The following PGAM5 variants were observed in gnomAD, a reference collection of about 807,000 sequenced individuals.
PGAM5 encodes the protein serine/threonine-protein phosphatase PGAM5, mitochondrial.
A neutral mutation model predicts 30.6 loss-of-function variants in PGAM5; 25 were observed. The observed-to-expected ratio is 0.82, with a 90% CI of 0.60 to 1.14. The LOEUF is 1.14. Among genes scored for constraint, PGAM5 ranks in the 50% most tolerant of loss-of-function variants. The pLI is 0.00. For synonymous variants in PGAM5, 201 were observed against 179.1 expected (o/e 1.12, Z -0.98); for missense variants, 384 against 408.5 (o/e 0.94, Z 0.52).
intron 2 of PGAM5, among the ~76,000 whole-genome samples, chr12:132,715,948 C>T (rs1482505091): frequency 6.6e-6 from 1 of 152,200 alleles, no homozygotes; most frequent in Non-Finnish European, 1.5e-5. Context: ...AAATGCAGTG[C>T]ATATCCCAGC....
chr12:132,719,960 C>T (rs1845904931), intron 5 of PGAM5, among the ~76,000 whole-genome samples: 1 of 152,254 alleles, frequency 6.6e-6, no homozygotes, highest in Non-Finnish European at 1.5e-5. Context: ...CTGCTCCCTG[C>T]TTTTATATGG....
Position 132,715,103 on chromosome 12 carries a change from G to A in PGAM5, c.370+67G>A, listed in dbSNP as rs761362825. The A allele has an allele frequency of 3.0e-4, 436 of 1,458,824 alleles. 1 individual carries two copies. Among genetic ancestry groups the A allele is most frequent in the South Asian group, 1.2e-3 (89 of 75,070 alleles). 90.4% of individuals were successfully genotyped at this position (1,458,824 alleles called of 1,614,324 possible). On this transcript the variant is annotated intron_variant, in intron 2 of 5. Transcript: ENST00000498926. ...TGTGGCCAGGTGCATATCTGCTGGC[G>A]CCTTGGTTATGTGACTGGGTGCAGG...
In PGAM5 at chr12:132,717,979, GC is replaced by G; in HGVS notation, c.586-3del. Reference sequence around the variant, plus strand: ...TTCCGCACTGACGGCTCCTCACTCTGCCCCCAGCAGTATTACGAAGACGGAG... The same window carrying G: ...TTCCGCACTGACGGCTCCTCACTCTGCCCCAGCAGTATTACGAAGACGGAG... On this transcript the variant is annotated splice_polypyrimidine_tract_variant and splice_region_variant and intron_variant, in intron 4 of 5. Coordinates refer to ENST00000498926, the MANE Select transcript of PGAM5 (RefSeq NM_001170543.2). The G allele has an allele frequency of 6.2e-7, 1 of 1,612,502 alleles. No homozygotes were observed. The highest frequency in any genetic ancestry group is 8.5e-7 in the Non-Finnish European group (1 of 1,179,878).
intron 1 of PGAM5, chr12:132,711,798 A>G (rs1017338656): frequency 6.6e-6 from 1 of 152,142 alleles, no homozygotes; most frequent in Non-Finnish European, 1.5e-5. Flanking sequence ...GAAAAAAAAA[A>G]AAAGTAGTGC....
In PGAM5 at chr12:132,717,523, G is replaced by C. The variant is rs1290192734; in HGVS notation, c.455G>C (p.Arg152Pro). ...FNKIVHSSMTRAIETTDIISR... is the reference protein window; with the variant it reads ...FNKIVHSSMTPAIETTDIISR... ...AAAATCGTCCATTCGTCTATGACGC[G>C]CGCCATAGAGACCACCGATATCATC... Residue 152 changes from arginine (R) to proline (P), a missense_variant, in exon 3 of 6, where the codon CGC becomes CCC. Transcript: ENST00000498926. 1 of 1,610,850 alleles carries C rather than the reference G, an allele frequency of 6.2e-7. No homozygotes were observed. The highest frequency in any genetic ancestry group is 1.1e-5 in the South Asian group (1 of 91,080).
At chr12:132,718,729 C>A in intron 5 of PGAM5, 1 of 1,611,860 alleles carries the variant, frequency 6.2e-7, no homozygotes, top group Non-Finnish European at 8.5e-7. Context: ...CTCGACCAAC[C>A]ACCTTCTGCC....
chr12:132,715,570 C>CAAAAA lies in PGAM5; in HGVS notation c.370+544_370+548dup, dbSNP rs571746042. ...TGGGCGACAGAGCGAGACTCCGTCT[C>CAAAAA]AAAAAAAAAAAAAATGTCCTTACCT... On this transcript the variant is annotated intron_variant, in intron 2 of 5. Transcript: ENST00000498926. Among the ~76,000 whole-genome samples, 20 of 122,364 alleles carry CAAAAA rather than the reference C, an allele frequency of 1.6e-4. 1 individual carries two copies. The highest frequency in any genetic ancestry group is 5.7e-4 in the African/African-American group (18 of 31,336). 80.3% of individuals were successfully genotyped at this position (122,364 alleles called of 152,430 possible).
At chr12:132,715,134 C>T (rs1001994855) in intron 2 of PGAM5, 98 bp downstream of exon 2, 594 of 1,278,534 alleles carry the variant, frequency 4.6e-4, no homozygotes, top group Middle Eastern at 1.9e-3. Context: ...GCAGGTCCTC[C>T]GCCGACCCCC....
chr12:132,712,434 G>A (rs956486965), intron 1 of PGAM5, among the ~76,000 whole-genome samples: 1 of 152,106 alleles, frequency 6.6e-6, no homozygotes, highest in African/African-American at 2.4e-5. Context: ...TTAGACTGGA[G>A]TTACATTCTT....
At position 132,717,772 on chromosome 12, in the gene PGAM5, G is replaced by A. The variant is rs375068490; in HGVS notation, c.559G>A (p.Val187Met). Residue 187 changes from valine to methionine, a missense_variant, in exon 4 of 6, where the codon GTG (valine) becomes ATG (methionine). By Grantham distance (21) the Val-to-Met change is conservative. Transcript: ENST00000498926. The stretch of plus-strand genomic sequence containing the variant: ...CGCCCCCATCGAGCCAGACCCGCCC[G>A]TGTCTCATTGGAAGCCGGAAGCTGT... ...EGAPIEPDPPVSHWKPEAVQY... is the reference protein window; with the variant it reads ...EGAPIEPDPPMSHWKPEAVQY... The A allele has an allele frequency of 9.4e-6, 15 of 1,588,086 alleles. No homozygotes were observed. The highest frequency in any genetic ancestry group is 6.9e-5 in the East Asian group (3 of 43,604).
intron 1 of PGAM5, 136 bp from the exon 2 acceptor site, chr12:132,714,722 C>T (rs2043554834): frequency 1.2e-5 from 11 of 949,140 alleles, no homozygotes; most frequent in Non-Finnish European, 1.7e-5. Flanking sequence ...GAGGCCTCCC[C>T]AGGGCTGTGC....
intron 2 of PGAM5, among the ~76,000 whole-genome samples, chr12:132,716,682 C>T (rs577013421): frequency 1.3e-5 from 2 of 152,318 alleles, no homozygotes; most frequent in East Asian, 1.9e-4. Flanking sequence ...GAAGAAATGC[C>T]TGCCTAGAGA....
Position 132,715,101 on chromosome 12 carries a change from G to A in PGAM5, c.370+65G>A, listed in dbSNP as rs1297055740. 8.8e-5 allele frequency: 116 copies of A among 1,319,610 alleles called. No individual in the cohort carries two copies. The East Asian group carries it at 1.7e-3, about 19-fold the overall frequency. 81.7% of individuals were successfully genotyped at this position (1,319,610 alleles called of 1,614,324 possible). A position where few individuals can be genotyped will look rare whatever the true frequency, so the allele number is the denominator to read the frequency against. On this transcript the variant is annotated intron_variant, in intron 2 of 5. Coordinates refer to ENST00000498926, the MANE Select transcript of PGAM5 (RefSeq NM_001170543.2). ...TATGTGGCCAGGTGCATATCTGCTG[G>A]CGCCTTGGTTATGTGACTGGGTGCA...
At chr12:132,712,042 A>G (rs567240602) in intron 1 of PGAM5, among the ~76,000 whole-genome samples, 19 of 152,236 alleles carry the variant, frequency 1.2e-4, no homozygotes, top group Non-Finnish European at 2.8e-4. Flanking sequence ...GAATTATACT[A>G]CTGTGGTTGC....
At chr12:132,720,649 GCT>G in intron 5 of PGAM5, 27 bp from the exon 6 acceptor site, 5 of 1,528,504 alleles carry the variant, frequency 3.3e-6, no homozygotes, top group Non-Finnish European at 4.4e-6. Context: ...GCTCTAACGT[GCT>G]CTTTCTCTCT....
chr12:132,719,209 C>CCTG, intron 5 of PGAM5: 1 of 1,152,960 alleles, frequency 8.7e-7, no homozygotes, highest in South Asian at 1.9e-5. Context: ...TGTGTGTGGG[C>CCTG]TCCGCAGCTG....
At chr12:132,711,196 C>A in intron 1 of PGAM5, 129 bp downstream of exon 1, 1 of 736,860 alleles carries the variant, frequency 1.4e-6, no homozygotes, top group Non-Finnish European at 1.8e-6. Flanking sequence ...TCTGCTTTCC[C>A]CAGCGGAGGA....
Position 132,714,912 on chromosome 12 carries a change from A to G in PGAM5, c.246A>G (p.Glu82=), listed in dbSNP as rs1211974720. ...GGAAGAGGAACGTGGAATCTGGGGA[A>G]GAAGAGCTGGCGTCCAAGCTGGACC... ...NVRKRNVESG[E]EELASKLDHY... is the part of the protein sequence containing the mutation. The change falls in exon 2 of 6, where the codon GAA becomes GAG. Residue 82 remains glutamate, a synonymous_variant. Coordinates refer to ENST00000498926, the MANE Select transcript of PGAM5 (RefSeq NM_001170543.2). The G allele has an allele frequency of 2.5e-6, 4 of 1,613,748 alleles. No homozygotes were observed. The South Asian group carries it at 3.3e-5, about 13-fold the overall frequency.
chr12:132,719,751 G>A (rs1445975850), intron 5 of PGAM5, among the ~76,000 whole-genome samples: 3 of 152,264 alleles, frequency 2.0e-5, no homozygotes, highest in Non-Finnish European at 4.4e-5. Flanking sequence ...AGGCAGCCCT[G>A]AGGAGGCTCG....
Sources: allele counts gnomAD v4.1 joint callset (sites outside exome capture counted in the v4.1 genomes callset), GRCh38; gene constraint gnomAD v4.1.1; transcripts MANE v1.5; gene names NCBI Gene and HGNC (gene_info 2026-07-23, HGNC 2026-07-21).